The following GJC2 variants were observed in gnomAD, a reference collection of about 807,000 sequenced individuals.
GJC2 encodes gap junction gamma-2 protein.
For missense variants in GJC2, 647 were observed against 648.9 expected (o/e 1.00, Z 0.03); for synonymous variants, 336 against 307.5 (o/e 1.09, Z -0.97).
At chr1:228,156,868 G>A (rs570183694) in intron 1 of GJC2, among the ~76,000 whole-genome samples, 13 of 152,398 alleles carry the variant, frequency 8.5e-5, no homozygotes, top group East Asian at 7.7e-4. Context: ...GCTGGTCTGC[G>A]GCATAGCTGT....
At position 228,152,490 on chromosome 1, in the gene GJC2, G is replaced by A. The variant is rs1472339565; in HGVS notation, c.-20+2483G>A. 1.3e-5 allele frequency among the ~76,000 whole-genome samples: 2 copies of A among 152,128 alleles called. No individual in the cohort carries two copies. The highest frequency in any genetic ancestry group is 2.9e-5 in the Non-Finnish European group (2 of 68,006). On this transcript the variant is annotated intron_variant, in intron 1 of 1. Transcript: ENST00000366714. The surrounding 1 kb of genome is among the most constrained non-coding windows in gnomAD (Gnocchi z 7.3). ...TACCAGGACACCAGGACACTGGTCA[G>A]AGCTGGCCCAGCCAGGTTTGCAGAC...
At chr1:228,154,690 C>T (rs1366837888) in intron 1 of GJC2, among the ~76,000 whole-genome samples, 3 of 152,216 alleles carry the variant, frequency 2.0e-5, no homozygotes, top group Non-Finnish European at 4.4e-5. Flanking sequence ...CGTACTTTGG[C>T]TTCTAATCTA....
rs1018223952 is a variant in GJC2 at position 228,152,559 on chromosome 1, G to A, written c.-20+2552G>A. Reference sequence around the variant, plus strand: ...CCTGCTTGCCCTGAAACCCTTCCCAGAGGTGGCCCCCACTGTGAGCCCCCA... The same window carrying A: ...CCTGCTTGCCCTGAAACCCTTCCCAAAGGTGGCCCCCACTGTGAGCCCCCA... On this transcript the variant is annotated intron_variant, in intron 1 of 1. Coordinates refer to ENST00000366714, the MANE Select transcript of GJC2 (RefSeq NM_020435.4). This position sits in a 1 kb window ranked among gnomAD's most constrained non-coding sequence, Gnocchi z 7.3. Among the ~76,000 whole-genome samples, 10 of 152,090 alleles carry A rather than the reference G, an allele frequency of 6.6e-5. No individual in the cohort carries two copies. Among genetic ancestry groups the A allele is most frequent in the African/African-American group, 2.4e-4 (10 of 41,426 alleles).
intron 1 of GJC2, 86 bp from the exon 2 acceptor site, chr1:228,157,654 G>A (rs1411713891): frequency 1.4e-6 from 1 of 738,104 alleles, no homozygotes; most frequent in Non-Finnish European, 2.2e-6. Flanking sequence ...AGAGGGGCCA[G>A]CTGCGAGGCA....
At position 228,158,881 on chromosome 1, in the gene GJC2, G is replaced by A. The variant is rs554468010; in HGVS notation, c.1123G>A (p.Val375Ile). ...CCGCGACCGGGACAGTTCGCCGTGC[G>A]TCGGCCTCCCTGCGGCCTCCCGGGG... ...GDRDRDSSPC[V>I]GLPAASRGPP... The change falls in exon 2 of 2, where the codon GTC (valine) becomes ATC (isoleucine). Residue 375 changes from valine to isoleucine, a missense_variant. Coordinates refer to ENST00000366714, the MANE Select transcript of GJC2 (RefSeq NM_020435.4). The surrounding 1 kb of genome is among the most constrained non-coding windows in gnomAD (Gnocchi z 8.3). 117 of 1,488,640 alleles carry A rather than the reference G, an allele frequency of 7.9e-5. No homozygotes were observed. The African/African-American group carries it at 1.6e-3, about 20-fold the overall frequency. The allele number at this position is 1,488,640 out of a possible 1,614,324, so 92.2% of individuals were successfully genotyped here.
Position 228,157,741 on chromosome 1 carries a change from A to AGGCCCCCCC in GJC2, c.-18_-17insGGCCCCCCC. 2.8e-6 allele frequency: 1 copy of AGGCCCCCCC among 354,470 alleles called. No homozygotes were observed. The highest frequency in any genetic ancestry group is 5.6e-6 in the Non-Finnish European group (1 of 177,092). The allele number at this position is 354,470 out of a possible 1,614,324, so 22.0% of individuals were successfully genotyped here. On this transcript the variant is annotated splice_region_variant and 5_prime_UTR_variant, in exon 2 of 2. Coordinates refer to ENST00000366714, the MANE Select transcript of GJC2 (RefSeq NM_020435.4). ...GCTGACCCCTACCCCGCCCCACAGG[A>AGGCCCCCCC]CCCGCCCGCCCGCCCCTATGACCAA...
intron 1 of GJC2, among the ~76,000 whole-genome samples, chr1:228,157,205 T>A (rs926567135): frequency 6.9e-6 from 1 of 145,234 alleles, no homozygotes; most frequent in Middle Eastern, 3.2e-3. Context: ...GCAGGGCCTC[T>A]GGGGGCCGAG....
Position 228,151,689 on chromosome 1 carries a change from C to T in GJC2, c.-20+1682C>T, listed in dbSNP as rs1332603668. 3.3e-5 allele frequency among the ~76,000 whole-genome samples: 5 copies of T among 152,116 alleles called. No individual in the cohort carries two copies. Among genetic ancestry groups the T allele is most frequent in the Non-Finnish European group, 5.9e-5 (4 of 68,012 alleles). On this transcript the variant is annotated intron_variant, in intron 1 of 1. Coordinates refer to ENST00000366714, the MANE Select transcript of GJC2 (RefSeq NM_020435.4). This position sits in a 1 kb window ranked among gnomAD's most constrained non-coding sequence, Gnocchi z 5.4. ...CCACACCCAGTGGGGCCTACTGCTG[C>T]ACAGGCAGGACAGTGAGGCCGGCCA...
chr1:228,157,741 A>AGACCCC lies in GJC2; in HGVS notation c.-18_-17insGACCCC. 4 of 354,470 alleles carry AGACCCC rather than the reference A, an allele frequency of 1.1e-5. No homozygotes were observed. The highest frequency in any genetic ancestry group is 3.4e-5 in the Admixed American group (1 of 29,484). The allele number at this position is 354,470 out of a possible 1,614,324, so 22.0% of individuals were successfully genotyped here. A position where few individuals can be genotyped will look rare whatever the true frequency, so the allele number is the denominator to read the frequency against. ...GCTGACCCCTACCCCGCCCCACAGG[A>AGACCCC]CCCGCCCGCCCGCCCCTATGACCAA... is the stretch of plus-strand genomic sequence containing the variant. On this transcript the variant is annotated splice_region_variant and 5_prime_UTR_variant, in exon 2 of 2. Coordinates refer to ENST00000366714, the MANE Select transcript of GJC2 (RefSeq NM_020435.4).
chr1:228,154,832 G>A (rs1474475822), intron 1 of GJC2, among the ~76,000 whole-genome samples: 4 of 152,206 alleles, frequency 2.6e-5, no homozygotes, highest in African/African-American at 2.4e-5. Context: ...TACAGTTTGC[G>A]CCAGGCTCTT....
chr1:228,153,538 C>G (rs2034644771), intron 1 of GJC2, among the ~76,000 whole-genome samples: 1 of 151,588 alleles, frequency 6.6e-6, no homozygotes, highest in Non-Finnish European at 1.5e-5. Flanking sequence ...AAGCGCACCA[C>G]CATGCCTGGC....
chr1:228,157,954 G>T lies in GJC2; in HGVS notation c.196G>T (p.Val66Phe), dbSNP rs1229927569. 1.9e-6 allele frequency: 3 copies of T among 1,612,672 alleles called. No homozygotes were observed. The highest frequency in any genetic ancestry group is 2.5e-6 in the Non-Finnish European group (3 of 1,179,834). ...CNTRQPGCDNVCYDAFAPLSH... is the reference protein window; with the variant it reads ...CNTRQPGCDNFCYDAFAPLSH... The stretch of plus-strand genomic sequence containing the variant: ...CACGCGGCAGCCAGGCTGCGACAAC[G>T]TCTGCTATGACGCCTTCGCGCCCCT... The change falls in exon 2 of 2, where the codon GTC becomes TTC. Residue 66 changes from valine (V) to phenylalanine (F), a missense_variant. Transcript: ENST00000366714.
chr1:228,157,107 A>G (rs982919896), intron 1 of GJC2, among the ~76,000 whole-genome samples: 14 of 144,656 alleles, frequency 9.7e-5, no homozygotes, highest in African/African-American at 4.0e-4. Context: ...AGGATGGAGG[A>G]TTTTGTGGAG....
Position 228,159,185 on chromosome 1 carries a change from A to C in GJC2, c.*107A>C. On this transcript the variant is annotated 3_prime_UTR_variant, in exon 2 of 2. Transcript: ENST00000366714. The surrounding 1 kb of genome is among the most constrained non-coding windows in gnomAD (Gnocchi z 4.0). The stretch of plus-strand genomic sequence containing the variant: ...TTCTCCTTAGCCGGTGGCCTCAGGC[A>C]GACTCTGCCCAGAGGGGCAGCCAGG... 2 of 1,332,348 alleles carry C rather than the reference A, an allele frequency of 1.5e-6. No individual in the cohort carries two copies. The highest frequency in any genetic ancestry group is 2.1e-6 in the Non-Finnish European group (2 of 954,042). 82.5% of individuals were successfully genotyped at this position (1,332,348 alleles called of 1,614,324 possible).
Position 228,157,798 on chromosome 1 carries a change from G to A in GJC2, c.40G>A (p.Glu14Lys). ...MSWSFLTRLL[E>K]EIHNHSTFVG... Reference sequence around the variant, plus strand: ...CTGGAGCTTCCTGACGCGGCTGCTGGAGGAGATCCACAACCACTCCACCTT... The same window carrying A: ...CTGGAGCTTCCTGACGCGGCTGCTGAAGGAGATCCACAACCACTCCACCTT... Residue 14 changes from glutamate (E) to lysine (K), a missense_variant, in exon 2 of 2, where the codon GAG becomes AAG. Coordinates refer to ENST00000366714, the MANE Select transcript of GJC2 (RefSeq NM_020435.4). 2.5e-6 allele frequency: 4 copies of A among 1,570,110 alleles called. No homozygotes were observed. Among genetic ancestry groups the A allele is most frequent in the Non-Finnish European group, 3.5e-6 (4 of 1,158,354 alleles).
rs2034593647 is a variant in GJC2, at chr1:228,150,136, G to A, written c.-20+129G>A. ...AGGGCTTCCTAGGGCCCAGCCATAGGAGGGTGCACTCCTTGCGCCTGCCAC... is the reference window on the plus strand; with the variant it reads ...AGGGCTTCCTAGGGCCCAGCCATAGAAGGGTGCACTCCTTGCGCCTGCCAC... On this transcript the variant is annotated intron_variant, in intron 1 of 1. Coordinates refer to ENST00000366714, the MANE Select transcript of GJC2 (RefSeq NM_020435.4). The surrounding 1 kb of genome is among the most constrained non-coding windows in gnomAD (Gnocchi z 4.6). 1 of 152,304 alleles carries A rather than the reference G, an allele frequency of 6.6e-6. No homozygotes were observed. Among genetic ancestry groups the A allele is most frequent in the African/African-American group, 2.4e-5 (1 of 41,434 alleles). The allele number at this position is 152,304 out of a possible 1,614,324, so 9.4% of individuals were successfully genotyped here. A position where few individuals can be genotyped will look rare whatever the true frequency, so the allele number is the denominator to read the frequency against.
rs1313743879 is a variant in GJC2, at chr1:228,149,980, G to A, written c.-47G>A. ...CCAAGCAGGTGGAAGGGCTCTGAGG[G>A]AGACTGGAATTTTCTGGCCTGGAGA... is the stretch of plus-strand genomic sequence containing the variant. On this transcript the variant is annotated 5_prime_UTR_variant, in exon 1 of 2. Transcript: ENST00000366714. 1 of 152,848 alleles carries A rather than the reference G, an allele frequency of 6.5e-6. No homozygotes were observed. The highest frequency in any genetic ancestry group is 1.5e-5 in the Non-Finnish European group (1 of 68,572). The allele number at this position is 152,848 out of a possible 1,614,324, so 9.5% of individuals were successfully genotyped here. A position where few individuals can be genotyped will look rare whatever the true frequency, so the allele number is the denominator to read the frequency against.
chr1:228,157,740 G>GACC lies in GJC2; in HGVS notation c.-18_-16dup. The stretch of plus-strand genomic sequence containing the variant: ...GGCTGACCCCTACCCCGCCCCACAG[G>GACC]ACCCGCCCGCCCGCCCCTATGACCA... On this transcript the variant is annotated splice_region_variant and 5_prime_UTR_variant, in exon 2 of 2. Coordinates refer to ENST00000366714, the MANE Select transcript of GJC2 (RefSeq NM_020435.4). The GACC allele has an allele frequency of 1.5e-6, 1 of 662,262 alleles. No individual in the cohort carries two copies. The highest frequency in any genetic ancestry group is 1.7e-5 in the South Asian group (1 of 57,382). 41.0% of individuals were successfully genotyped at this position (662,262 alleles called of 1,614,324 possible).
rs1051145494 is a variant in GJC2, at chr1:228,150,489, T to C, written c.-20+482T>C. Among the ~76,000 whole-genome samples, 2 of 152,060 alleles carry C rather than the reference T, an allele frequency of 1.3e-5. No individual in the cohort carries two copies. The highest frequency in any genetic ancestry group is 6.5e-5 in the Admixed American group (1 of 15,278). ...CTGGGGCCCTGCTCAGTCCCCTCCA[T>C]AGAAGGCCACAAGCCACTAAGTTTG... On this transcript the variant is annotated intron_variant, in intron 1 of 1. Coordinates refer to ENST00000366714, the MANE Select transcript of GJC2 (RefSeq NM_020435.4). The surrounding 1 kb of genome is among the most constrained non-coding windows in gnomAD (Gnocchi z 4.6).
Sources: allele counts gnomAD v4.1 joint callset (sites outside exome capture counted in the v4.1 genomes callset), GRCh38; gene constraint gnomAD v4.1.1; non-coding constraint Gnocchi (gnomAD v3.1); transcripts MANE v1.5; gene names NCBI Gene and HGNC (gene_info 2026-07-23, HGNC 2026-07-21).